Variants in PBX3 observed in about 807,000 individuals in gnomAD.
PBX3 encodes the protein PBX homeobox 3.
In PBX3, 14 loss-of-function variants were observed where a neutral mutation model predicts 48.5. The ratio of observed to expected loss-of-function variants is 0.29; its 90% CI spans 0.19 to 0.45. PBX3 has a LOEUF of 0.45. PBX3 is among the 20% of genes least tolerant of loss of function. The probability of loss-of-function intolerance (pLI) is 1.00; values close to 1 mark genes in which losing one functional copy is unlikely to be tolerated. For missense variants in PBX3, 386 were observed against 546.7 expected (o/e 0.71, Z 2.93); for synonymous variants, 210 against 200.3 (o/e 1.05, Z -0.41).
chr9:125,872,618 G>C (rs540519909), intron 2 of PBX3, among the ~76,000 whole-genome samples: 1 of 151,978 alleles, frequency 6.6e-6, no homozygotes, highest in South Asian at 2.1e-4. Context: ...AAAATAGCCA[G>C]ATGTGGTGGC....
intron 2 of PBX3, among the ~76,000 whole-genome samples, chr9:125,904,251 A>G (rs564589027): frequency 6.6e-6 from 1 of 151,924 alleles, no homozygotes; most frequent in East Asian, 1.9e-4. Context: ...AGTGTTGTTT[A>G]CATCCACCTG....
At chr9:125,835,612 A>T (rs1839109867) in intron 2 of PBX3, among the ~76,000 whole-genome samples, 1 of 152,258 alleles carries the variant, frequency 6.6e-6, no homozygotes, top group Admixed American at 6.5e-5. Flanking sequence ...GTGTATGAAA[A>T]TGCCCAGCAT....
intron 6 of PBX3, 27 bp from the exon 7 acceptor site, chr9:125,962,075 T>C (rs1239650601): frequency 1.8e-6 from 2 of 1,133,552 alleles, no homozygotes; most frequent in African/African-American, 3.0e-5. Context: ...TCTCTGTTAT[T>C]CAGCTACTTA....
rs1052518986 is a variant in PBX3, at chr9:125,759,444, T to C, written c.274+10821T>C. Among the ~76,000 whole-genome samples, 1 of 152,280 alleles carries C rather than the reference T, an allele frequency of 6.6e-6. No individual in the cohort carries two copies. Among genetic ancestry groups the C allele is most frequent in the South Asian group, 2.1e-4 (1 of 4,826 alleles). ...ACTTCCTATTTGTTGTGCAAGGGAATTGGAACAGTGAGGCATTTATCATAT... is the reference window on the plus strand; with the variant it reads ...ACTTCCTATTTGTTGTGCAAGGGAACTGGAACAGTGAGGCATTTATCATAT... On this transcript the variant is annotated intron_variant, in intron 2 of 8. Transcript: ENST00000373489. This position sits in a 1 kb window ranked among gnomAD's most constrained non-coding sequence, Gnocchi z 4.2.
At chr9:125,751,822 A>T (rs1246418852) in intron 2 of PBX3, among the ~76,000 whole-genome samples, 3 of 152,172 alleles carry the variant, frequency 2.0e-5, no homozygotes, top group Non-Finnish European at 4.4e-5. Context: ...GCTCACCTGC[A>T]TACCTCTTTT....
chr9:125,901,771 C>T (rs1840951245), intron 2 of PBX3, among the ~76,000 whole-genome samples: 1 of 151,522 alleles, frequency 6.6e-6, no homozygotes, highest in Admixed American at 6.6e-5. Context: ...CAACAAAAAC[C>T]AGGTAGTAAT....
At position 125,912,243 on chromosome 9, in the gene PBX3, G is replaced by T. The variant is rs566981320; in HGVS notation, c.275-3443G>T. On this transcript the variant is annotated intron_variant, in intron 2 of 8. Coordinates refer to ENST00000373489, the MANE Select transcript of PBX3 (RefSeq NM_006195.6). Reference sequence around the variant, plus strand: ...ATTAATGAACCCTTAATGAGCTGTTGAAAATGCCTGAATTACAGTCAGATT... The same window carrying T: ...ATTAATGAACCCTTAATGAGCTGTTTAAAATGCCTGAATTACAGTCAGATT... Among the ~76,000 whole-genome samples, 4 of 152,228 alleles carry T rather than the reference G, an allele frequency of 2.6e-5. No homozygotes were observed. In the South Asian group the frequency reaches 8.3e-4, roughly 32 times the overall value.
intron 8 of PBX3, among the ~76,000 whole-genome samples, chr9:125,964,875 C>T (rs1300705131): frequency 6.6e-6 from 1 of 152,156 alleles, no homozygotes; most frequent in Non-Finnish European, 1.5e-5. Context: ...AGGCAGGAGG[C>T]ACCTTATGAC....
intron 2 of PBX3, among the ~76,000 whole-genome samples, chr9:125,881,774 A>G (rs1430347838): frequency 6.6e-6 from 1 of 151,988 alleles, no homozygotes; most frequent in African/African-American, 2.4e-5. Context: ...TATTACTTAG[A>G]TGTATAGAAA....
chr9:125,748,668 G>T (rs780657764), intron 2 of PBX3, 45 bp downstream of exon 2: 56 of 1,510,124 alleles, frequency 3.7e-5, no homozygotes, highest in Non-Finnish European at 5.1e-5. Context: ...CCCCGAGGTG[G>T]GGGTCGGAGC....
chr9:125,955,078 A>G (rs1842273549), intron 5 of PBX3, among the ~76,000 whole-genome samples: 2 of 152,150 alleles, frequency 1.3e-5, no homozygotes, highest in South Asian at 4.1e-4. Context: ...TTTAGGGGGA[A>G]TTTTGCACAG....
chr9:125,804,939 C>T (rs1427887901), intron 2 of PBX3, among the ~76,000 whole-genome samples: 1 of 39,152 alleles, frequency 2.6e-5, no homozygotes, highest in Non-Finnish European at 8.6e-5. Flanking sequence ...AAGAGCAAGG[C>T]TCTGTCTTAA....
intron 2 of PBX3, among the ~76,000 whole-genome samples, chr9:125,793,391 A>ATATATATT (rs1161535032): frequency 1.4e-5 from 2 of 142,868 alleles, no homozygotes; most frequent in Non-Finnish European, 3.0e-5. Flanking sequence ...ATATATATAT[A>ATATATATT]TTTACTATTA....
At chr9:125,958,919 A>G (rs564776508) in intron 5 of PBX3, among the ~76,000 whole-genome samples, 40 of 152,324 alleles carry the variant, frequency 2.6e-4, no homozygotes, top group Admixed American at 2.2e-3. Context: ...CTCATGTATC[A>G]GGGAAGAGCA....
intron 2 of PBX3, among the ~76,000 whole-genome samples, chr9:125,797,225 AG>A (rs1310441221): frequency 6.6e-6 from 1 of 152,174 alleles, no homozygotes; most frequent in Admixed American, 6.5e-5. Context: ...TTCTATTTTT[AG>A]GACATATTTA....
chr9:125,845,879 C>G (rs1217119010), intron 2 of PBX3, among the ~76,000 whole-genome samples: 1 of 151,914 alleles, frequency 6.6e-6, no homozygotes, highest in African/African-American at 2.4e-5. Context: ...TAAATTTCCA[C>G]AAATTCAGAT....
chr9:125,869,957 A>G lies in PBX3; in HGVS notation c.275-45729A>G, dbSNP rs528462941. Among the ~76,000 whole-genome samples, 4 of 152,264 alleles carry G rather than the reference A, an allele frequency of 2.6e-5. No homozygotes were observed. In the East Asian group the frequency reaches 5.8e-4, roughly 22 times the overall value. On this transcript the variant is annotated intron_variant, in intron 2 of 8. Transcript: ENST00000373489. ...CCTGAGACTGAGTAATTTATAAAGAAAAAGAGGTTCAGTGGACTCACAGTT... is the reference window on the plus strand; with the variant it reads ...CCTGAGACTGAGTAATTTATAAAGAGAAAGAGGTTCAGTGGACTCACAGTT...
intron 3 of PBX3, among the ~76,000 whole-genome samples, chr9:125,917,645 GT>G: frequency 6.6e-6 from 1 of 152,032 alleles, no homozygotes; most frequent in East Asian, 1.9e-4. Flanking sequence ...ATATATCGTT[GT>G]TTTTTCACAT....
intron 3 of PBX3, among the ~76,000 whole-genome samples, chr9:125,925,642 G>A (rs534896510): frequency 3.3e-5 from 5 of 151,964 alleles, no homozygotes; most frequent in Non-Finnish European, 7.4e-5. Flanking sequence ...TGGTAGAGAC[G>A]GAGTTTCACC....
Sources: gnomAD v4.1 joint callset for allele counts (sites outside exome capture counted in the v4.1 genomes callset) on GRCh38, gnomAD v4.1.1 for gene constraint, Gnocchi (gnomAD v3.1) non-coding constraint, MANE v1.5 for transcripts, NCBI Gene and HGNC (gene_info 2026-07-23, HGNC 2026-07-21) for gene names.